C10orf67: variants seen among roughly 807,000 people sequenced by gnomAD.
C10orf67 encodes the protein chromosome 10 open reading frame 67, also known as uncharacterized protein C10orf67, mitochondrial.
Under a neutral mutation model 35.6 loss-of-function variants are expected in C10orf67, and 60 were observed. That is an observed-to-expected ratio of 1.68 (90% confidence interval 1.37 to 2.09). The LOEUF (loss-of-function observed/expected upper bound fraction) is 2.09. Ranked by LOEUF, C10orf67 falls within the 30% of genes most tolerant of loss-of-function variation. The probability of loss-of-function intolerance (pLI) is 0.00; values close to 1 mark genes in which losing one functional copy is unlikely to be tolerated. For missense variants in C10orf67, 474 were observed against 330.2 expected (o/e 1.44, Z -3.38); for synonymous variants, 167 against 115.8 (o/e 1.44, Z -2.84).
intron 4 of C10orf67, among the ~76,000 whole-genome samples, chr10:23,308,846 A>G (rs1844385947): frequency 6.6e-6 from 1 of 152,160 alleles, no homozygotes; most frequent in Admixed American, 6.5e-5. Flanking sequence ...AGCCCCCAGT[A>G]AGTATTATAT....
At chr10:23,289,093 A>G (rs1843635009) in intron 7 of C10orf67, among the ~76,000 whole-genome samples, 2 of 152,176 alleles carry the variant, frequency 1.3e-5, no homozygotes, top group Admixed American at 1.3e-4. Flanking sequence ...CAGGGAGAGC[A>G]GGAATTGCTG....
chr10:23,244,320 G>T (rs1258467880), intron 12 of C10orf67, among the ~76,000 whole-genome samples: 1 of 152,040 alleles, frequency 6.6e-6, no homozygotes, highest in African/African-American at 2.4e-5. Context: ...ATACTTAGAA[G>T]AAAATATATA....
chr10:23,337,709 G>A (rs1845740520), intron 1 of C10orf67, among the ~76,000 whole-genome samples: 1 of 152,168 alleles, frequency 6.6e-6, no homozygotes, highest in Admixed American at 6.5e-5. Flanking sequence ...CAAGGTTAAT[G>A]AGGGGAAAAA....
intron 12 of C10orf67, among the ~76,000 whole-genome samples, chr10:23,249,125 C>G (rs1192156111): frequency 8.2e-6 from 1 of 122,238 alleles, no homozygotes; most frequent in East Asian, 2.2e-4. Flanking sequence ...AGCAAAAACT[C>G]CCTCTCAAAA....
intron 12 of C10orf67, among the ~76,000 whole-genome samples, chr10:23,242,034 C>A (rs1842196687): frequency 6.6e-6 from 1 of 151,866 alleles, no homozygotes; most frequent in African/African-American, 2.4e-5. Flanking sequence ...TGCAGTGGCA[C>A]AATCTTGGCT....
intron 7 of C10orf67, among the ~76,000 whole-genome samples, chr10:23,284,136 G>A (rs539221997): frequency 3.3e-5 from 5 of 149,996 alleles, no homozygotes; most frequent in South Asian, 2.1e-4. Flanking sequence ...AAAAAGGGTG[G>A]GGGGAACACG....
At chr10:23,294,955 G>C (rs140740541) in intron 5 of C10orf67, among the ~76,000 whole-genome samples, 1 of 152,274 alleles carries the variant, frequency 6.6e-6, no homozygotes, top group Non-Finnish European at 1.5e-5. Flanking sequence ...CATTTTATTT[G>C]ATATAAGCTA....
intron 15 of C10orf67, among the ~76,000 whole-genome samples, chr10:23,216,684 A>G (rs530357300): frequency 6.6e-6 from 1 of 152,314 alleles, no homozygotes; most frequent in South Asian, 2.1e-4. Flanking sequence ...AAAATACTGT[A>G]AATAAATTTC....
intron 13 of C10orf67, among the ~76,000 whole-genome samples, chr10:23,225,233 T>G (rs1265700446): frequency 1.6e-4 from 25 of 152,030 alleles, no homozygotes; most frequent in African/African-American, 3.1e-4. Context: ...TTAAAGAAAA[T>G]AATTTTCAAC....
At chr10:23,339,248 T>C (rs1297834313) in intron 1 of C10orf67, among the ~76,000 whole-genome samples, 2 of 152,140 alleles carry the variant, frequency 1.3e-5, no homozygotes, top group African/African-American at 4.8e-5. Flanking sequence ...GTCACTCTAC[T>C]GGCTGAAGTG....
intron 15 of C10orf67, among the ~76,000 whole-genome samples, chr10:23,215,730 A>G (rs1238771548): frequency 6.6e-6 from 1 of 152,182 alleles, no homozygotes; most frequent in East Asian, 1.9e-4. Context: ...GAAAATTCTA[A>G]ATAAAAGACC....
chr10:23,279,476 G>A (rs1843299682), intron 8 of C10orf67, among the ~76,000 whole-genome samples: 2 of 152,246 alleles, frequency 1.3e-5, no homozygotes, highest in Non-Finnish European at 1.5e-5. Flanking sequence ...TTGTGGGAGC[G>A]AGGGAGACTG....
intron 3 of C10orf67, among the ~76,000 whole-genome samples, chr10:23,321,886 A>C (rs544867334): frequency 4.9e-4 from 74 of 152,278 alleles, no homozygotes; most frequent in African/African-American, 1.8e-3. Context: ...TCCTGGGCTC[A>C]AGTGATTCCC....
intron 13 of C10orf67, among the ~76,000 whole-genome samples, chr10:23,232,521 C>T (rs1841939033): frequency 6.6e-6 from 1 of 152,156 alleles, no homozygotes; most frequent in African/African-American, 2.4e-5. Context: ...CATAAAAACA[C>T]ACTATTCACA....
At chr10:23,284,778 G>C (rs1241376354) in intron 7 of C10orf67, among the ~76,000 whole-genome samples, 1 of 152,144 alleles carries the variant, frequency 6.6e-6, no homozygotes, top group Non-Finnish European at 1.5e-5. Flanking sequence ...GAGAAAGGTT[G>C]TGGAACTGTT....
At chr10:23,226,690 T>G (rs932771825) in intron 13 of C10orf67, among the ~76,000 whole-genome samples, 3 of 151,974 alleles carry the variant, frequency 2.0e-5, no homozygotes, top group Non-Finnish European at 2.9e-5. Context: ...GATAGAACAC[T>G]AGCAAGACTA....
At chr10:23,270,243 T>C (rs1842979733) in intron 8 of C10orf67, among the ~76,000 whole-genome samples, 1 of 151,586 alleles carries the variant, frequency 6.6e-6, no homozygotes, top group Non-Finnish European at 1.5e-5. Flanking sequence ...AAAAGCAGGG[T>C]GGGGTGATGG....
chr10:23,222,252 G>A (rs949154123), intron 15 of C10orf67, among the ~76,000 whole-genome samples: 1 of 152,130 alleles, frequency 6.6e-6, no homozygotes, highest in South Asian at 2.1e-4. Flanking sequence ...AAATTTATTT[G>A]TGTTACTTCA....
chr10:23,336,802 C>T (rs1430044450), intron 1 of C10orf67, among the ~76,000 whole-genome samples: 2 of 151,906 alleles, frequency 1.3e-5, no homozygotes, highest in African/African-American at 4.8e-5. Context: ...TGTGAGCCAC[C>T]GCACCTGGCC....
Sources: allele counts gnomAD v4.1 joint callset (sites outside exome capture counted in the v4.1 genomes callset), GRCh38; gene constraint gnomAD v4.1.1; transcripts MANE v1.5; gene names NCBI Gene and HGNC (gene_info 2026-07-23, HGNC 2026-07-21).